The following CHODL variants were observed in gnomAD, a reference collection of about 807,000 sequenced individuals.
CHODL encodes chondrolectin.
In CHODL, 29 loss-of-function variants were observed where a neutral mutation model predicts 34.5. The observed-to-expected ratio is 0.84, with a 90% CI of 0.63 to 1.15. CHODL has a LOEUF of 1.15. Among genes scored for constraint, CHODL ranks in the 50% most tolerant of loss-of-function variants. CHODL has a pLI of 0.00. For synonymous variants in CHODL, 125 were observed against 116.1 expected (o/e 1.08, Z -0.49); for missense variants, 332 against 332.5 (o/e 1.00, Z 0.01).
intron 1 of CHODL, among the ~76,000 whole-genome samples, chr21:17,933,450 G>T (rs1419073372): frequency 6.6e-6 from 1 of 152,186 alleles, no homozygotes; most frequent in Non-Finnish European, 1.5e-5. Flanking sequence ...CTCTTAAAGA[G>T]CATGCTGACT....
chr21:18,017,977 G>A (rs533769377), intron 1 of CHODL, among the ~76,000 whole-genome samples: 1 of 152,336 alleles, frequency 6.6e-6, no homozygotes, highest in Non-Finnish European at 1.5e-5. Context: ...GATTACCTTG[G>A]AGCTTTGTGA....
At chr21:18,163,826 A>C (rs1430567039) in intron 2 of CHODL, among the ~76,000 whole-genome samples, 1 of 152,224 alleles carries the variant, frequency 6.6e-6, no homozygotes, top group Non-Finnish European at 1.5e-5. Flanking sequence ...TATAAAGAGA[A>C]GCCTCAAAAC....
At chr21:17,986,805 C>G (rs377549324) in intron 1 of CHODL, among the ~76,000 whole-genome samples, 2 of 152,238 alleles carry the variant, frequency 1.3e-5, no homozygotes, top group East Asian at 3.9e-4. Context: ...TCCTATTTTT[C>G]CCAGCAGTAC....
In CHODL at chr21:18,152,814, A is replaced by G. The variant is rs559757490; in HGVS notation, c.-44-103695A>G. ...TCTGGACCATCTTAGAATTCTGCCC[A>G]CTATATGAACATAGCTAGATTTGTG... On this transcript the variant is annotated intron_variant, in intron 2 of 6. Transcript: ENST00000400127. 2.6e-5 allele frequency among the ~76,000 whole-genome samples: 4 copies of G among 152,316 alleles called. No individual in the cohort carries two copies. In the East Asian group the frequency reaches 7.7e-4, roughly 29 times the overall value.
At chr21:18,181,380 A>G (rs1245015127) in intron 2 of CHODL, among the ~76,000 whole-genome samples, 1 of 152,126 alleles carries the variant, frequency 6.6e-6, no homozygotes, top group Non-Finnish European at 1.5e-5. Context: ...CCCTGTAACT[A>G]TTAATCACTT....
chr21:18,136,051 G>T (rs1286846257), intron 2 of CHODL, among the ~76,000 whole-genome samples: 1 of 143,912 alleles, frequency 6.9e-6, no homozygotes, highest in Non-Finnish European at 1.5e-5. Context: ...AGGTTGCAGC[G>T]AGCTGAGCTT....
intron 1 of CHODL, among the ~76,000 whole-genome samples, chr21:18,013,704 G>C (rs1236254106): frequency 1.5e-5 from 2 of 137,838 alleles, no homozygotes; most frequent in Admixed American, 1.5e-4. Flanking sequence ...GTGTGATCTC[G>C]GTTCACTGCA....
chr21:18,052,358 T>A (rs2064526599), intron 2 of CHODL, among the ~76,000 whole-genome samples: 1 of 151,930 alleles, frequency 6.6e-6, no homozygotes, highest in Admixed American at 6.6e-5. Flanking sequence ...GAAATGTGAC[T>A]GGCCACAGCT....
chr21:18,243,813 C>G (rs774935051), upstream of CHODL, among the ~76,000 whole-genome samples: 1 of 152,120 alleles, frequency 6.6e-6, no homozygotes, highest in Admixed American at 6.5e-5. Context: ...CCAACAGATG[C>G]TTACAGTGTA....
intron 2 of CHODL, among the ~76,000 whole-genome samples, chr21:18,195,031 AT>A (rs1555881461): frequency 4.7e-5 from 2 of 42,992 alleles, no homozygotes; most frequent in African/African-American, 1.5e-4. Flanking sequence ...ACAATACATT[AT>A]TTATTTATTT....
At chr21:18,059,757 A>G (rs147501090) in intron 2 of CHODL, among the ~76,000 whole-genome samples, 18 of 152,300 alleles carry the variant, frequency 1.2e-4, no homozygotes, top group African/African-American at 4.3e-4. Context: ...ACAGAAAACC[A>G]AACACGGCAT....
intron 2 of CHODL, among the ~76,000 whole-genome samples, chr21:18,187,397 C>T (rs1419117573): frequency 2.6e-5 from 4 of 152,150 alleles, no homozygotes; most frequent in African/African-American, 4.8e-5. Context: ...CTTTCTCCTC[C>T]TTTAAGGTTT....
intron 1 of CHODL, among the ~76,000 whole-genome samples, chr21:17,934,246 A>C (rs13051213): frequency 0.32 from 47,852 of 151,182 alleles, 8,547 homozygotes; most frequent in South Asian, 0.47. Flanking sequence ...AAAAAAAAAA[A>C]CACATTCTCA....
intron 2 of CHODL, among the ~76,000 whole-genome samples, chr21:18,073,428 A>G (rs2146502779): frequency 6.6e-6 from 1 of 152,246 alleles, no homozygotes; most frequent in East Asian, 1.9e-4. Context: ...AGCTTTAATC[A>G]TCATCCATCT....
At chr21:17,934,048 A>G (rs532552332) in intron 1 of CHODL, among the ~76,000 whole-genome samples, 1 of 151,880 alleles carries the variant, frequency 6.6e-6, no homozygotes, top group South Asian at 2.1e-4. Context: ...AAAAAAGAAA[A>G]AAAAAAAAAG....
intron 2 of CHODL, among the ~76,000 whole-genome samples, chr21:18,126,730 TA>T (rs1348654143): frequency 1.3e-5 from 2 of 152,202 alleles, no homozygotes; most frequent in African/African-American, 2.4e-5. Flanking sequence ...AAATGGCATT[TA>T]AAAAATCTTT....
intron 2 of CHODL, among the ~76,000 whole-genome samples, chr21:18,127,225 A>G (rs2065557447): frequency 6.6e-6 from 1 of 152,172 alleles, no homozygotes; most frequent in Non-Finnish European, 1.5e-5. Flanking sequence ...AATACAGTGT[A>G]ATGATGATTG....
chr21:18,131,352 G>A (rs1240916374), intron 2 of CHODL, among the ~76,000 whole-genome samples: 1 of 152,000 alleles, frequency 6.6e-6, no homozygotes, highest in African/African-American at 2.4e-5. Flanking sequence ...TCTTAATGAG[G>A]TAGAAAACGT....
intron 2 of CHODL, among the ~76,000 whole-genome samples, chr21:18,155,909 G>T (rs2073028704): frequency 1.3e-5 from 2 of 152,136 alleles, no homozygotes; most frequent in African/African-American, 2.4e-5. Context: ...AAGTCTCAGG[G>T]TCATCATTTT....
Sources: gnomAD v4.1 joint callset for allele counts (sites outside exome capture counted in the v4.1 genomes callset) on GRCh38, gnomAD v4.1.1 for gene constraint, MANE v1.5 for transcripts, NCBI Gene and HGNC (gene_info 2026-07-23, HGNC 2026-07-21) for gene names.